Variants in ABCC3 observed in about 807,000 individuals in gnomAD.
The protein encoded by ABCC3 is ATP-binding cassette sub-family C member 3.
In ABCC3, 121 loss-of-function variants were observed where a neutral mutation model predicts 165.3. That is an observed-to-expected ratio of 0.73 (90% CI 0.63 to 0.85). ABCC3 has a LOEUF of 0.85. Among genes scored for constraint, ABCC3 ranks in the 40% least tolerant of loss-of-function variants. The probability of loss-of-function intolerance (pLI) is 0.00; values close to 1 mark genes in which losing one functional copy is unlikely to be tolerated. For missense variants in ABCC3, 1,869 were observed against 1,964.1 expected, an observed-to-expected ratio of 0.95 and a Z score of 0.92; for synonymous variants, 733 against 810.1, an observed-to-expected ratio of 0.90 and a Z score of 1.62.
At chr17:50,673,978 TTCTCTCTCTCTCTCTCTC>T (rs1281173726) in intron 19 of ABCC3, among the ~76,000 whole-genome samples, 1 of 9,006 alleles carries the variant, frequency 1.1e-4, no homozygotes, top group African/African-American at 4.5e-4. Context: ...CTTTCTTTCT[TTCTCTCTCTCTCTCTCTC>T]TCTCTCTCTC....
At chr17:50,655,803 C>A (rs1967226657) in intron 1 of ABCC3, 29 bp from the exon 2 acceptor site, 1 of 1,604,862 alleles carries the variant, frequency 6.2e-7, no homozygotes, top group African/African-American at 1.3e-5. Flanking sequence ...GGGGCTGCCA[C>A]AGCACTAAAC....
intron 1 of ABCC3, among the ~76,000 whole-genome samples, chr17:50,651,300 G>A (rs1211738769): frequency 6.6e-6 from 1 of 152,134 alleles, no homozygotes; most frequent in Non-Finnish European, 1.5e-5. Context: ...AAACTGTAAA[G>A]GAGGCAAAAT....
intron 17 of ABCC3, among the ~76,000 whole-genome samples, chr17:50,671,284 C>G (rs1967641676): frequency 1.3e-5 from 2 of 150,780 alleles, no homozygotes; most frequent in South Asian, 4.2e-4. Context: ...GAAAAAAAAA[C>G]TTAATCATTT....
chr17:50,642,323 TACC>T (rs1342004127), intron 1 of ABCC3, among the ~76,000 whole-genome samples: 1 of 152,118 alleles, frequency 6.6e-6, no homozygotes, highest in African/African-American at 2.4e-5. Context: ...TGTGGGCGGG[TACC>T]CCCTGCCTCC....
chr17:50,676,285 GGTGAT>G lies in ABCC3; in HGVS notation c.3077_3081del (p.Val1026AlafsTer34). ...CTCTGCCTTCTCCAACAGGGTTCTT[GGTGAT>G]GCTGGCAGCCATGGCCATGGCAGCG... On this transcript the variant is annotated frameshift_variant, in exon 23 of 31. Coordinates refer to ENST00000285238, the MANE Select transcript of ABCC3 (RefSeq NM_003786.4). LOFTEE classifies it high-confidence loss of function. 3.1e-6 allele frequency: 5 copies of G among 1,612,064 alleles called. No homozygotes were observed. Among genetic ancestry groups the G allele is most frequent in the Non-Finnish European group, 4.2e-6 (5 of 1,178,892 alleles).
chr17:50,676,336 T>C lies in ABCC3; in HGVS notation c.3126T>C (p.Arg1042=), dbSNP rs778054557. ...CAGCGGGTGGCATCCAGGCTGCCCG[T>C]GTGTTGCACCAGGCACTGCTGCACA... is the stretch of plus-strand genomic sequence containing the variant. ...AMAAGGIQAA[R]VLHQALLHNK... Residue 1042 remains arginine (R), a synonymous_variant, in exon 23 of 31, where the codon CGT becomes CGC. Coordinates refer to ENST00000285238, the MANE Select transcript of ABCC3 (RefSeq NM_003786.4). 1.2e-6 allele frequency: 2 copies of C among 1,614,156 alleles called. No individual in the cohort carries two copies.
At chr17:50,664,249 T>C in intron 10 of ABCC3, 138 bp downstream of exon 10, 1 of 1,225,060 alleles carries the variant, frequency 8.2e-7, no homozygotes, top group South Asian at 1.4e-5. Flanking sequence ...GAGGATCACT[T>C]GAGCCCAAGA....
At chr17:50,681,833 C>T (rs925676178) in intron 26 of ABCC3, among the ~76,000 whole-genome samples, 5 of 151,976 alleles carry the variant, frequency 3.3e-5, no homozygotes, top group African/African-American at 7.3e-5. Flanking sequence ...TCGTGGATTC[C>T]GTGGCCTGCA....
Position 50,691,394 on chromosome 17 carries a change from C to A in ABCC3, c.*194C>A. On this transcript the variant is annotated 3_prime_UTR_variant, in exon 31 of 31. Coordinates refer to ENST00000285238, the MANE Select transcript of ABCC3 (RefSeq NM_003786.4). ...AATGATCCCCAAGTGGTGAATGACACGCCTAAGGTCACAGCTAGTTTGAGC... is the reference window on the plus strand; with the variant it reads ...AATGATCCCCAAGTGGTGAATGACAAGCCTAAGGTCACAGCTAGTTTGAGC... The A allele has an allele frequency of 1.9e-6, 1 of 540,180 alleles. No individual in the cohort carries two copies. Among genetic ancestry groups the A allele is most frequent in the Non-Finnish European group, 3.4e-6 (1 of 296,224 alleles). 33.5% of individuals were successfully genotyped at this position (540,180 alleles called of 1,614,324 possible). A position where few individuals can be genotyped will look rare whatever the true frequency, so the allele number is the denominator to read the frequency against.
chr17:50,666,353 C>T (rs1337831967), intron 11 of ABCC3, among the ~76,000 whole-genome samples: 3 of 152,214 alleles, frequency 2.0e-5, no homozygotes, highest in Non-Finnish European at 1.5e-5. Context: ...TGCCTGTAAT[C>T]CCAGCTACTC....
intron 17 of ABCC3, 56 bp downstream of exon 17, chr17:50,669,584 C>T: frequency 6.3e-7 from 1 of 1,577,956 alleles, no homozygotes; most frequent in East Asian, 2.3e-5. Flanking sequence ...CCCACCTCAA[C>T]CCAGCCCAGG....
chr17:50,635,366 C>T (rs1567822115), intron 1 of ABCC3: 1 of 649,374 alleles, frequency 1.5e-6, no homozygotes, highest in East Asian at 2.7e-5. Flanking sequence ...GAGGGTCTTC[C>T]CTCAGCATCT....
chr17:50,681,362 T>C (rs1967926525), intron 26 of ABCC3, among the ~76,000 whole-genome samples: 1 of 152,130 alleles, frequency 6.6e-6, no homozygotes, highest in East Asian at 1.9e-4. Context: ...TGTCTCCTTT[T>C]CACTTTTAGC....
In ABCC3 at chr17:50,663,815, G is replaced by C. The variant is rs1468913250; in HGVS notation, c.1133G>C (p.Gly378Ala). ...QHYYHYIFVT[G>A]VKFRTGIMGV... Reference sequence around the variant, plus strand: ...TATTACCACTACATCTTTGTGACTGGGGTGAAGTTTCGTACTGGGATCATG... The same window carrying C: ...TATTACCACTACATCTTTGTGACTGCGGTGAAGTTTCGTACTGGGATCATG... Residue 378 changes from glycine to alanine, a missense_variant, in exon 9 of 31, where the codon GGG becomes GCG. Gly to Ala is a moderately conservative substitution (Grantham distance 60). Transcript: ENST00000285238. 1 of 1,614,174 alleles carries C rather than the reference G, an allele frequency of 6.2e-7. No homozygotes were observed. Among genetic ancestry groups the C allele is most frequent in the Non-Finnish European group, 8.5e-7 (1 of 1,180,038 alleles).
At chr17:50,643,144 C>CAA (rs1208424827) in intron 1 of ABCC3, among the ~76,000 whole-genome samples, 1 of 152,212 alleles carries the variant, frequency 6.6e-6, no homozygotes, top group Non-Finnish European at 1.5e-5. Context: ...CCAGAGAGGC[C>CAA]CCATGTAGAT....
intron 21 of ABCC3, 38 bp downstream of exon 21, chr17:50,675,813 C>T (rs539068974): frequency 5.7e-6 from 9 of 1,591,670 alleles, no homozygotes; most frequent in Admixed American, 1.8e-5. Flanking sequence ...AGGGGATGGA[C>T]AGGCAGGCCC....
At chr17:50,651,378 G>T (rs551751431) in intron 1 of ABCC3, among the ~76,000 whole-genome samples, 21 of 152,262 alleles carry the variant, frequency 1.4e-4, no homozygotes, top group Middle Eastern at 3.4e-3. Context: ...ATTGTTGTTT[G>T]TACAGATTTC....
At chr17:50,650,673 C>A (rs1284252461) in intron 1 of ABCC3, among the ~76,000 whole-genome samples, 1 of 152,142 alleles carries the variant, frequency 6.6e-6, no homozygotes, top group African/African-American at 2.4e-5. Flanking sequence ...TTGTATATTT[C>A]TTTTTCATAT....
intron 17 of ABCC3, among the ~76,000 whole-genome samples, chr17:50,670,915 T>C (rs1041989573): frequency 1.3e-5 from 2 of 152,044 alleles, no homozygotes; most frequent in African/African-American, 4.8e-5. Flanking sequence ...CTGGGGAAAA[T>C]TTGGGGCTTT....
Sources: allele counts gnomAD v4.1 joint callset (sites outside exome capture counted in the v4.1 genomes callset), GRCh38; gene constraint gnomAD v4.1.1; transcripts MANE v1.5; gene names NCBI Gene and HGNC (gene_info 2026-07-23, HGNC 2026-07-21).